HMBOX1: variants seen among roughly 807,000 people sequenced by gnomAD.
HMBOX1 encodes the protein homeobox containing 1.
A neutral mutation model predicts 54.5 loss-of-function variants in HMBOX1; 14 were observed. The observed-to-expected ratio is 0.26, with a 90% CI of 0.17 to 0.40. HMBOX1 has a LOEUF of 0.40. Among genes scored for constraint, HMBOX1 ranks in the 10% least tolerant of loss-of-function variants. HMBOX1 has a pLI of 1.00. For synonymous variants in HMBOX1, 160 were observed against 181.0 expected, an observed-to-expected ratio of 0.88 and a Z score of 0.93; for missense variants, 332 against 514.4, an observed-to-expected ratio of 0.65 and a Z score of 3.43.
At chr8:28,978,805 AAG>A in intron 3 of HMBOX1, among the ~76,000 whole-genome samples, 1 of 151,740 alleles carries the variant, frequency 6.6e-6, no homozygotes. Flanking sequence ...AAAAAAAAAA[AAG>A]AGGATGTAAT....
intron 9 of HMBOX1, 144 bp downstream of exon 9, chr8:29,049,192 T>G (rs1369776196): frequency 1.3e-6 from 2 of 1,495,334 alleles, no homozygotes; most frequent in Non-Finnish European, 1.8e-6. Flanking sequence ...TCTAGTTAGA[T>G]TTCATGTAAT....
intron 1 of HMBOX1, among the ~76,000 whole-genome samples, chr8:28,948,579 A>G (rs1056861963): frequency 6.6e-6 from 1 of 152,220 alleles, no homozygotes; most frequent in African/African-American, 2.4e-5. Flanking sequence ...ACTCTTAACA[A>G]AACCTTTGAA....
rs1827890876 is a variant in HMBOX1 at position 28,973,813 on chromosome 8, T to TTTTTTTTTTTTTTG, written c.500+3307_500+3308insGTTTTTTTTTTTTT. 3.1e-4 allele frequency among the ~76,000 whole-genome samples: 11 copies of TTTTTTTTTTTTTTG among 35,058 alleles called. 1 individual carries two copies. The highest frequency in any genetic ancestry group is 9.2e-4 in the South Asian group (1 of 1,084). 23.0% of individuals were successfully genotyped at this position (35,058 alleles called of 152,430 possible). A position where few individuals can be genotyped will look rare whatever the true frequency, so the allele number is the denominator to read the frequency against. ...GAGATACATAATGGAGTTTTTTTTT[T>TTTTTTTTTTTTTTG]TTTTTTTTTTTTTTTTTTTTTGAGA... On this transcript the variant is annotated intron_variant, in intron 3 of 9. Transcript: ENST00000287701.
intron 1 of HMBOX1, among the ~76,000 whole-genome samples, chr8:28,899,642 A>T (rs1265506348): frequency 2.0e-5 from 3 of 152,234 alleles, no homozygotes; most frequent in African/African-American, 7.2e-5. Flanking sequence ...GTGATATTTA[A>T]CAAAAGCTCC....
intron 1 of HMBOX1, among the ~76,000 whole-genome samples, chr8:28,893,166 T>C (rs2131475691): frequency 6.6e-6 from 1 of 152,308 alleles, no homozygotes; most frequent in East Asian, 1.9e-4. Flanking sequence ...ATCAAAATCA[T>C]TACATGTAAA....
intron 1 of HMBOX1, among the ~76,000 whole-genome samples, chr8:28,916,569 C>T (rs1816593447): frequency 6.6e-6 from 1 of 152,140 alleles, no homozygotes. Context: ...AAAAGGCTAT[C>T]CTTTTTCCAT....
Position 29,051,498 on chromosome 8 carries a change from T to C in HMBOX1, c.*343T>C. ...AAATATTAGACTACGTGTAAAATCT[T>C]GGGTACCTTTAGATTCTTGTAACAC... On this transcript the variant is annotated 3_prime_UTR_variant, in exon 10 of 10. Transcript: ENST00000287701. 1.4e-6 allele frequency: 1 copy of C among 702,362 alleles called. No homozygotes were observed. Among genetic ancestry groups the C allele is most frequent in the East Asian group, 2.7e-5 (1 of 37,254 alleles). 43.5% of individuals were successfully genotyped at this position (702,362 alleles called of 1,614,324 possible). A position where few individuals can be genotyped will look rare whatever the true frequency, so the allele number is the denominator to read the frequency against.
intron 4 of HMBOX1, among the ~76,000 whole-genome samples, chr8:28,998,940 AT>A (rs1365487873): frequency 6.6e-6 from 1 of 152,138 alleles, no homozygotes; most frequent in African/African-American, 2.4e-5. Flanking sequence ...AATTACATTT[AT>A]ATATTGTGTG....
intron 1 of HMBOX1, among the ~76,000 whole-genome samples, chr8:28,921,943 A>G (rs766898889): frequency 3.3e-5 from 5 of 152,370 alleles, no homozygotes; most frequent in Admixed American, 2.0e-4. Flanking sequence ...GAAGCTAACC[A>G]TCACAAAAGT....
intron 1 of HMBOX1, chr8:28,915,845 CAT>C (rs1563379682): frequency 3.3e-5 from 5 of 152,026 alleles, no homozygotes; most frequent in Admixed American, 3.3e-4. Context: ...GAACTATAGA[CAT>C]GTGACACTGT....
At chr8:29,014,264 T>TG (rs545357835) in intron 5 of HMBOX1, among the ~76,000 whole-genome samples, 2,980 of 130,176 alleles carry the variant, frequency 0.023, 95 homozygotes, top group African/African-American at 0.082. Flanking sequence ...GAAACTTAGA[T>TG]GGGGGGAAAA....
chr8:28,939,230 G>A (rs192797554), intron 1 of HMBOX1, among the ~76,000 whole-genome samples: 14 of 151,210 alleles, frequency 9.3e-5, no homozygotes, highest in South Asian at 4.2e-4. Flanking sequence ...CAGAGGTTGC[G>A]GTGAGCCGAG....
At chr8:29,023,448 G>T (rs966213152) in intron 6 of HMBOX1, among the ~76,000 whole-genome samples, 3 of 152,112 alleles carry the variant, frequency 2.0e-5, no homozygotes, top group African/African-American at 7.2e-5. Flanking sequence ...TGTTGCCCAG[G>T]CTGGAGTTCA....
Position 28,934,705 on chromosome 8 carries a change from C to T in HMBOX1, c.-57-29106C>T, listed in dbSNP as rs561742953. On this transcript the variant is annotated intron_variant, in intron 1 of 9. Transcript: ENST00000287701. ...CTTTGGGAGGCTGAGGCGGGCGGATCACGAGATCAGGAGATCGAGACCATC... is the reference window on the plus strand; with the variant it reads ...CTTTGGGAGGCTGAGGCGGGCGGATTACGAGATCAGGAGATCGAGACCATC... Among the ~76,000 whole-genome samples the T allele has an allele frequency of 4.5e-3, 685 of 151,798 alleles. 2 individuals carry two copies. Among genetic ancestry groups the T allele is most frequent in the Non-Finnish European group, 5.8e-3 (392 of 67,880 alleles).
At chr8:29,025,869 T>A (rs1181734704) in intron 6 of HMBOX1, among the ~76,000 whole-genome samples, 1 of 152,190 alleles carries the variant, frequency 6.6e-6, no homozygotes, top group Non-Finnish European at 1.5e-5. Flanking sequence ...ATTAATACTA[T>A]ACCTTTCTGG....
chr8:28,929,464 A>G (rs1012729512), intron 1 of HMBOX1, among the ~76,000 whole-genome samples: 1 of 152,216 alleles, frequency 6.6e-6, no homozygotes, highest in African/African-American at 2.4e-5. Context: ...TGATAGAGAC[A>G]GATGACAAAT....
At chr8:28,989,439 C>T (rs1586310486) in intron 4 of HMBOX1, among the ~76,000 whole-genome samples, 1 of 151,676 alleles carries the variant, frequency 6.6e-6, no homozygotes, top group Admixed American at 6.6e-5. Context: ...TTATAGAGAT[C>T]CAGTTGTTGG....
At chr8:29,024,166 A>G (rs972690377) in intron 6 of HMBOX1, among the ~76,000 whole-genome samples, 10 of 152,212 alleles carry the variant, frequency 6.6e-5, no homozygotes, top group Admixed American at 2.6e-4. Flanking sequence ...GGGAGCTAAC[A>G]TGTAAGTAAT....
chr8:28,979,982 C>T, intron 3 of HMBOX1, 89 bp from the exon 4 acceptor site: 1 of 947,146 alleles, frequency 1.1e-6, no homozygotes, highest in Non-Finnish European at 1.7e-6. Flanking sequence ...CTGTGTTCTC[C>T]CCACCTCTCT....
Sources: allele counts gnomAD v4.1 joint callset (sites outside exome capture counted in the v4.1 genomes callset), GRCh38; gene constraint gnomAD v4.1.1; transcripts MANE v1.5; gene names NCBI Gene and HGNC (gene_info 2026-07-23, HGNC 2026-07-21).